Variants in IL23R observed in about 807,000 individuals in gnomAD.
IL23R encodes interleukin-23 receptor.
In IL23R, 34 loss-of-function variants were observed where a neutral mutation model predicts 56.9. That is an observed-to-expected ratio of 0.60 (90% CI 0.45 to 0.80). The LOEUF (loss-of-function observed/expected upper bound fraction) is 0.80, where lower values mean the gene tolerates loss of function less well. Among genes scored for constraint, IL23R ranks in the 30% least tolerant of loss-of-function variants. IL23R has a pLI of 0.00. For missense variants in IL23R, 635 were observed against 730.0 expected (o/e 0.87, Z 1.50); for synonymous variants, 230 against 249.2 (o/e 0.92, Z 0.73).
At chr1:67,178,193 A>G (rs1205917381) in intron 3 of IL23R, among the ~76,000 whole-genome samples, 4 of 152,106 alleles carry the variant, frequency 2.6e-5, no homozygotes, top group East Asian at 1.9e-4. Flanking sequence ...CATTGAATCT[A>G]TAAATTACCT....
intron 7 of IL23R, among the ~76,000 whole-genome samples, chr1:67,226,597 T>A (rs548560444): frequency 6.6e-6 from 1 of 152,158 alleles, no homozygotes; most frequent in South Asian, 2.1e-4. Flanking sequence ...GGGTCTGGAG[T>A]TTATGAGGGT....
At chr1:67,186,081 C>T (rs1647307208) in intron 4 of IL23R, among the ~76,000 whole-genome samples, 1 of 152,160 alleles carries the variant, frequency 6.6e-6, no homozygotes, top group Non-Finnish European at 1.5e-5. Flanking sequence ...CTACCCCTTG[C>T]CTATAGGGTA....
intron 5 of IL23R, among the ~76,000 whole-genome samples, chr1:67,204,230 A>T (rs994973142): frequency 1.3e-5 from 2 of 151,996 alleles, no homozygotes; most frequent in South Asian, 2.1e-4. Context: ...CGCCCCGCTA[A>T]TTTTTTGTAT....
At chr1:67,264,423 T>C (rs1653287975), downstream of IL23R, among the ~76,000 whole-genome samples, 1 of 152,244 alleles carries the variant, frequency 6.6e-6, no homozygotes, top group Non-Finnish European at 1.5e-5. Flanking sequence ...TAGAAGATAA[T>C]GTTTTAATGG....
chr1:67,143,323 A>T (rs1223234773), intron 1 of IL23R, among the ~76,000 whole-genome samples: 1 of 152,224 alleles, frequency 6.6e-6, no homozygotes, highest in Non-Finnish European at 1.5e-5. Flanking sequence ...GACAAAGGGT[A>T]CTATTGTCTT....
Position 67,168,145 on chromosome 1 carries a change from G to A in IL23R, c.25G>A (p.Asp9Asn), listed in dbSNP as rs775994483. 1 of 1,612,014 alleles carries A rather than the reference G, an allele frequency of 6.2e-7. No homozygotes were observed. The highest frequency in any genetic ancestry group is 1.7e-5 in the Admixed American group (1 of 60,018). The change falls in exon 2 of 11, where the codon GAT (aspartate) becomes AAT (asparagine). Residue 9 changes from aspartate (D) to asparagine (N), a missense_variant. Asp to Asn is a conservative substitution (Grantham distance 23). Coordinates refer to ENST00000347310, the MANE Select transcript of IL23R (RefSeq NM_144701.3). The part of the protein sequence containing the change: MNQVTIQW[D>N]AVIALYILFS... ...CATGAATCAGGTCACTATTCAATGG[G>A]ATGCAGTAATAGCCCTTTACATACT...
intron 3 of IL23R, among the ~76,000 whole-genome samples, chr1:67,172,071 G>C (rs1646951077): frequency 6.6e-6 from 1 of 152,190 alleles, no homozygotes; most frequent in South Asian, 2.1e-4. Context: ...GGTTATGAGT[G>C]TAAAAATGTA....
intron 1 of IL23R, among the ~76,000 whole-genome samples, chr1:67,149,210 C>A (rs554338970): frequency 6.6e-6 from 1 of 152,266 alleles, no homozygotes; most frequent in East Asian, 1.9e-4. Context: ...GAGCTCTTCT[C>A]AGCATTTTGT....
chr1:67,151,438 A>G (rs1646727330), intron 1 of IL23R, among the ~76,000 whole-genome samples: 2 of 152,156 alleles, frequency 1.3e-5, no homozygotes, highest in South Asian at 4.2e-4. Context: ...TGCTGTGCAG[A>G]AGATCTTTAG....
chr1:67,265,778 C>T, the IL23R span, among the ~76,000 whole-genome samples: 56 of 151,996 alleles, frequency 3.7e-4, no homozygotes, highest in Non-Finnish European at 4.3e-4. Flanking sequence ...TGGTGGTGTG[C>T]TCCTGTGATC....
At position 67,259,669 on chromosome 1, in the gene IL23R, A is replaced by G. The variant is rs1437822474; in HGVS notation, c.*541A>G. On this transcript the variant is annotated 3_prime_UTR_variant, in exon 11 of 11. Coordinates refer to ENST00000347310, the MANE Select transcript of IL23R (RefSeq NM_144701.3). ...ATAAATGCTGAAAATTTTCCTTTAAAATAGAATCATTAGGCCAGGCGTGGT... is the reference window on the plus strand; with the variant it reads ...ATAAATGCTGAAAATTTTCCTTTAAGATAGAATCATTAGGCCAGGCGTGGT... The G allele has an allele frequency of 6.2e-6, 1 of 160,190 alleles. No individual in the cohort carries two copies. The allele number at this position is 160,190 out of a possible 1,614,324, so 9.9% of individuals were successfully genotyped here. A position where few individuals can be genotyped will look rare whatever the true frequency, so the allele number is the denominator to read the frequency against.
intron 8 of IL23R, 67 bp downstream of exon 8, chr1:67,236,869 T>A: frequency 9.8e-7 from 1 of 1,023,908 alleles, no homozygotes. Context: ...CCCATCATAC[T>A]GAAAAAATCA....
intron 6 of IL23R, among the ~76,000 whole-genome samples, chr1:67,209,452 G>A (rs1007907809): frequency 6.6e-6 from 1 of 152,154 alleles, no homozygotes; most frequent in African/African-American, 2.4e-5. Context: ...CTGGGAGCCC[G>A]TCTTTCCCAT....
downstream of IL23R, among the ~76,000 whole-genome samples, chr1:67,263,355 G>A (rs1237667803): frequency 1.3e-5 from 2 of 151,808 alleles, no homozygotes; most frequent in South Asian, 2.1e-4. Context: ...CAAAGTACTG[G>A]GAATTATAGG....
intron 7 of IL23R, among the ~76,000 whole-genome samples, chr1:67,225,398 C>T (rs1449705846): frequency 1.3e-5 from 2 of 152,044 alleles, no homozygotes; most frequent in Non-Finnish European, 2.9e-5. Context: ...CAGCCTTAGC[C>T]AAGACAGGAC....
intron 4 of IL23R, among the ~76,000 whole-genome samples, chr1:67,199,828 A>G (rs550420233): frequency 1.3e-5 from 2 of 152,210 alleles, no homozygotes; most frequent in South Asian, 2.1e-4. Context: ...AATAAAATCA[A>G]TTTTGAAATA....
At chr1:67,258,105 A>G (rs1653050449) in intron 10 of IL23R, among the ~76,000 whole-genome samples, 1 of 152,202 alleles carries the variant, frequency 6.6e-6, no homozygotes, top group African/African-American at 2.4e-5. Context: ...TTGTAACAAG[A>G]AATATTAATA....
At chr1:67,207,637 T>C (rs1649171906) in intron 6 of IL23R, 1 of 403,874 alleles carries the variant, frequency 2.5e-6, no homozygotes, top group Non-Finnish European at 4.8e-6. Flanking sequence ...TTGCCACCAC[T>C]AAGTAAGAAG....
chr1:67,194,913 T>G (rs1240051509), intron 4 of IL23R, among the ~76,000 whole-genome samples: 3 of 152,230 alleles, frequency 2.0e-5, no homozygotes, highest in African/African-American at 4.8e-5. Context: ...AACATCTCAA[T>G]TTAACGGCAT....
Sources: allele counts gnomAD v4.1 joint callset (sites outside exome capture counted in the v4.1 genomes callset), GRCh38; gene constraint gnomAD v4.1.1; transcripts MANE v1.5; gene names NCBI Gene and HGNC (gene_info 2026-07-23, HGNC 2026-07-21).